The following MCC variants were observed in gnomAD, a reference collection of about 807,000 sequenced individuals.
The protein encoded by MCC is colorectal mutant cancer protein.
MCC carries 90 observed loss-of-function variants against 116.2 expected under a neutral mutation model. The ratio of observed to expected loss-of-function variants is 0.77; its 90% CI spans 0.65 to 0.92. The LOEUF is 0.92. Ranked by LOEUF, MCC falls within the 40% of genes least tolerant of loss-of-function variation. The pLI is 0.00. For synonymous variants in MCC, 578 were observed against 510.5 expected (o/e 1.13, Z -1.78); for missense variants, 1,516 against 1,312.2 (o/e 1.16, Z -2.40).
At chr5:113,121,250 C>T (rs777973231) in intron 6 of MCC, among the ~76,000 whole-genome samples, 4 of 152,226 alleles carry the variant, frequency 2.6e-5, no homozygotes, top group Admixed American at 6.5e-5. Flanking sequence ...CTCCACACTA[C>T]AGTGATTGAT....
rs376065562 is a variant in MCC, at chr5:113,450,066, G to A, written c.170+38179C>T. Among the ~76,000 whole-genome samples, 23 of 152,198 alleles carry A rather than the reference G, an allele frequency of 1.5e-4. No homozygotes were observed. In the East Asian group the frequency reaches 3.7e-3, roughly 24 times the overall value. On this transcript the variant is annotated intron_variant, in intron 1 of 18. Coordinates refer to ENST00000408903, the MANE Select transcript of MCC (RefSeq NM_001085377.2). ...TGCAAATAATTTATTGAATTTTAAAGATAAAGATAAGAGTTTACGGACATT... is the reference window on the plus strand; with the variant it reads ...TGCAAATAATTTATTGAATTTTAAAAATAAAGATAAGAGTTTACGGACATT...
intron 7 of MCC, 66 bp from the exon 8 acceptor site, chr5:113,102,011 T>C (rs560868906): frequency 1.3e-5 from 19 of 1,490,316 alleles, no homozygotes; most frequent in East Asian, 9.0e-5. Flanking sequence ...AGGAAGAAAA[T>C]AGGCTGAACA....
intron 1 of MCC, among the ~76,000 whole-genome samples, chr5:113,416,421 C>T (rs1770149973): frequency 6.6e-6 from 1 of 151,374 alleles, no homozygotes; most frequent in South Asian, 2.1e-4. Context: ...CAAGAGATCC[C>T]ATCTCTTAAA....
intron 2 of MCC, among the ~76,000 whole-genome samples, chr5:113,372,200 G>A (rs1205971874): frequency 6.6e-6 from 1 of 152,142 alleles, no homozygotes; most frequent in Non-Finnish European, 1.5e-5. Context: ...GGATTCCCAC[G>A]AACTTTCTTG....
rs368367275 is a variant in MCC at position 113,488,432 on chromosome 5, G to C, written c.-18C>G. The C allele has an allele frequency of 1.1e-5, 16 of 1,399,438 alleles. No individual in the cohort carries two copies. In the African/African-American group the frequency reaches 2.0e-4, roughly 17 times the overall value. 86.7% of individuals were successfully genotyped at this position (1,399,438 alleles called of 1,614,324 possible). On this transcript the variant is annotated 5_prime_UTR_variant, in exon 1 of 19. Transcript: ENST00000408903. ...GCCATCATGCGCCCGCTCCCTACTT[G>C]GGAGGAGGAGTACGCGCGACCGCAG...
chr5:113,448,771 T>C (rs1771296926), intron 1 of MCC, among the ~76,000 whole-genome samples: 1 of 152,186 alleles, frequency 6.6e-6, no homozygotes, highest in South Asian at 2.1e-4. Context: ...AGTCCTTAGA[T>C]TTCAATGCTA....
chr5:113,399,774 C>G (rs1279547076), intron 1 of MCC, among the ~76,000 whole-genome samples: 1 of 152,076 alleles, frequency 6.6e-6, no homozygotes, highest in Non-Finnish European at 1.5e-5. Flanking sequence ...ACTTCTGGGG[C>G]AAGCAGAAGG....
At chr5:113,327,587 A>ATATATAT (rs1561525261) in intron 3 of MCC, among the ~76,000 whole-genome samples, 18 of 96,618 alleles carry the variant, frequency 1.9e-4, no homozygotes, top group African/African-American at 6.2e-4. Flanking sequence ...TATATATATA[A>ATATATAT]AAATCTCATC....
At chr5:113,046,382 G>C (rs1264005943) in intron 16 of MCC, among the ~76,000 whole-genome samples, 1 of 151,858 alleles carries the variant, frequency 6.6e-6, no homozygotes, top group Non-Finnish European at 1.5e-5. Context: ...AGTAGAGATG[G>C]GGTTTCACCA....
In MCC at chr5:113,064,094, G is replaced by A. The variant is rs2227947; in HGVS notation, c.2103C>T (p.Asn701=). The change falls in exon 14 of 19, where the codon AAC becomes AAT. Residue 701 remains asparagine, a synonymous_variant. Coordinates refer to ENST00000408903, the MANE Select transcript of MCC (RefSeq NM_001085377.2). ...RAHDCRKTAE[N]AAKALLMKLD... ...GCTTCATGAGCAGGGCCTTGGCAGC[G>A]TTCTCAGCTGTCTTCCGGCAGTCAT... 982,627 of 1,613,846 alleles carry A rather than the reference G, an allele frequency of 0.61. 306,825 individuals carry two copies. Among genetic ancestry groups the A allele is most frequent in the East Asian group, 0.69 (30,771 of 44,860 alleles).
chr5:113,421,843 A>T (rs1334166596), intron 1 of MCC, among the ~76,000 whole-genome samples: 1 of 152,182 alleles, frequency 6.6e-6, no homozygotes, highest in Non-Finnish European at 1.5e-5. Flanking sequence ...AGTCCTTGAA[A>T]TAGTCAATTT....
At chr5:113,080,331 C>G (rs1308657992) in intron 11 of MCC, among the ~76,000 whole-genome samples, 3 of 152,202 alleles carry the variant, frequency 2.0e-5, no homozygotes, top group Non-Finnish European at 2.9e-5. Context: ...ATAAATTATG[C>G]TGCTATAAAG....
intron 2 of MCC, among the ~76,000 whole-genome samples, chr5:113,351,862 T>TG (rs1189414852): frequency 6.6e-6 from 1 of 152,158 alleles, no homozygotes; most frequent in Non-Finnish European, 1.5e-5. Flanking sequence ...ACAACTGTTC[T>TG]GGGGTAAGAC....
intron 12 of MCC, among the ~76,000 whole-genome samples, chr5:113,070,472 T>C (rs918821919): frequency 1.3e-5 from 2 of 151,538 alleles, no homozygotes; most frequent in Admixed American, 1.3e-4. Flanking sequence ...ATTGACTTGT[T>C]TTCATGACAA....
At chr5:113,431,675 G>A (rs1160173164) in intron 1 of MCC, among the ~76,000 whole-genome samples, 1 of 150,776 alleles carries the variant, frequency 6.6e-6, no homozygotes, top group African/African-American at 2.4e-5. Flanking sequence ...CGCCTTAGAG[G>A]GGTATACCTT....
intron 3 of MCC, among the ~76,000 whole-genome samples, chr5:113,316,483 G>A (rs993821829): frequency 2.6e-5 from 4 of 152,088 alleles, no homozygotes; most frequent in African/African-American, 9.7e-5. Flanking sequence ...ATTCTCATAA[G>A]GATTGAATAT....
chr5:113,065,108 G>C (rs1180536070), intron 13 of MCC, among the ~76,000 whole-genome samples: 1 of 152,192 alleles, frequency 6.6e-6, no homozygotes, highest in Non-Finnish European at 1.5e-5. Flanking sequence ...GTATGATACT[G>C]TAACCGTGGA....
chr5:113,379,252 T>A (rs1399191304), intron 2 of MCC, among the ~76,000 whole-genome samples: 2 of 152,230 alleles, frequency 1.3e-5, no homozygotes. Flanking sequence ...TGTTCTCTAT[T>A]CCTTACTTGC....
Position 113,488,231 on chromosome 5 carries a change from A to G in MCC, c.170+14T>C. 1.3e-6 allele frequency: 2 copies of G among 1,575,610 alleles called. No homozygotes were observed. Among genetic ancestry groups the G allele is most frequent in the South Asian group, 1.1e-5 (1 of 88,148 alleles). ...ATCTCGCTCCTGTCGGTTTCCTCGTACCTCCCCGCGTACCTGCTGATGTAT... is the reference window on the plus strand; with the variant it reads ...ATCTCGCTCCTGTCGGTTTCCTCGTGCCTCCCCGCGTACCTGCTGATGTAT... On this transcript the variant is annotated intron_variant, in intron 1 of 18. Transcript: ENST00000408903.
Sources: allele counts gnomAD v4.1 joint callset (sites outside exome capture counted in the v4.1 genomes callset), GRCh38; gene constraint gnomAD v4.1.1; transcripts MANE v1.5; gene names NCBI Gene and HGNC (gene_info 2026-07-23, HGNC 2026-07-21).